The following DNAAF5 variants were observed in gnomAD, a reference collection of about 807,000 sequenced individuals.
DNAAF5 encodes the protein dynein axonemal assembly factor 5.
A neutral mutation model predicts 75.8 loss-of-function variants in DNAAF5; 64 were observed. That is an observed-to-expected ratio of 0.84 (90% CI 0.69 to 1.04). The LOEUF (loss-of-function observed/expected upper bound fraction) is 1.04, where lower values mean the gene tolerates loss of function less well. Among genes scored for constraint, DNAAF5 ranks in the 50% least tolerant of loss-of-function variants. DNAAF5 has a pLI of 0.00. For synonymous variants in DNAAF5, 657 were observed against 557.2 expected (o/e 1.18, Z -2.52); for missense variants, 1,269 against 1,178.5 (o/e 1.08, Z -1.12).
intron 12 of DNAAF5, among the ~76,000 whole-genome samples, chr7:783,820 T>TCTCAGC (rs1330137299): frequency 6.6e-6 from 1 of 151,858 alleles, no homozygotes; most frequent in Non-Finnish European, 1.5e-5. Context: ...CTTCTCCTAC[T>TCTCAGC]CTCAGCCTCA....
rs1236531923 is a variant in DNAAF5, at chr7:754,092, CT to C, written c.1025-495del. On this transcript the variant is annotated intron_variant, in intron 4 of 12. Coordinates refer to ENST00000297440, the MANE Select transcript of DNAAF5 (RefSeq NM_017802.4). This position sits in a 1 kb window ranked among gnomAD's most constrained non-coding sequence, Gnocchi z 4.8. ...TGTCTCTCTGATCATAGGGGGACGGCTTCGCAGGCGTGTCTCTCTGATCATA... is the reference window on the plus strand; with the variant it reads ...TGTCTCTCTGATCATAGGGGGACGGCTCGCAGGCGTGTCTCTCTGATCATA... Among the ~76,000 whole-genome samples the C allele has an allele frequency of 1.3e-5, 2 of 152,164 alleles. No individual in the cohort carries two copies. Among genetic ancestry groups the C allele is most frequent in the African/African-American group, 4.8e-5 (2 of 41,452 alleles).
chr7:748,506 G>A (rs557179844), intron 4 of DNAAF5, among the ~76,000 whole-genome samples: 1 of 152,306 alleles, frequency 6.6e-6, no homozygotes, highest in African/African-American at 2.4e-5. Flanking sequence ...CCCCTTCCGT[G>A]CTCTGGATGC....
At chr7:759,370 C>T (rs906695222) in intron 6 of DNAAF5, among the ~76,000 whole-genome samples, 3 of 152,118 alleles carry the variant, frequency 2.0e-5, no homozygotes, top group Non-Finnish European at 4.4e-5. Context: ...GCTCGACAGA[C>T]GGGAACTGGA....
intron 12 of DNAAF5, among the ~76,000 whole-genome samples, chr7:783,752 GC>G (rs1219015361): frequency 1.3e-5 from 2 of 151,738 alleles, no homozygotes; most frequent in Non-Finnish European, 2.9e-5. Context: ...TCCCAGCCCT[GC>G]CTGCGCCCTC....
intron 4 of DNAAF5, among the ~76,000 whole-genome samples, chr7:747,503 TCTGG>T (rs943420117): frequency 2.6e-5 from 4 of 151,216 alleles, no homozygotes; most frequent in African/African-American, 9.8e-5. Context: ...TTTTACCGTG[TCTGG>T]CTGGTGTGCA....
chr7:730,449 T>C (rs1226018915), intron 2 of DNAAF5, among the ~76,000 whole-genome samples: 1 of 152,200 alleles, frequency 6.6e-6, no homozygotes, highest in African/African-American at 2.4e-5. Flanking sequence ...CTGAGTTACC[T>C]GTCATCGTAG....
rs780016631 is a variant in DNAAF5 at position 729,743 on chromosome 7, G to C, written c.676G>C (p.Ala226Pro). 6 of 1,614,010 alleles carry C rather than the reference G, an allele frequency of 3.7e-6. No homozygotes were observed. Among genetic ancestry groups the C allele is most frequent in the Non-Finnish European group, 5.1e-6 (6 of 1,180,036 alleles). ...ISHQHWKVRV[A>P]AIEATGAVIH... ...CCACCAGCACTGGAAGGTCCGTGTGGCCGCCATTGAAGCCACAGGCGCAGT... is the reference window on the plus strand; with the variant it reads ...CCACCAGCACTGGAAGGTCCGTGTGCCCGCCATTGAAGCCACAGGCGCAGT... The change falls in exon 2 of 13, where the codon GCC becomes CCC. Residue 226 changes from alanine to proline, a missense_variant. Coordinates refer to ENST00000297440, the MANE Select transcript of DNAAF5 (RefSeq NM_017802.4).
chr7:745,666 C>T (rs529302268), intron 4 of DNAAF5, among the ~76,000 whole-genome samples: 2 of 148,656 alleles, frequency 1.3e-5, no homozygotes, highest in East Asian at 4.2e-4. Flanking sequence ...CTTATCCTCA[C>T]ACACGTGTAC....
Position 754,629 on chromosome 7 carries a change from G to A in DNAAF5, c.1065G>A (p.Arg355=), listed in dbSNP as rs1782424629. Residue 355 remains arginine (R), a synonymous_variant, in exon 5 of 13, where the codon AGG becomes AGA. Transcript: ENST00000297440. This position sits in a 1 kb window ranked among gnomAD's most constrained non-coding sequence, Gnocchi z 4.8. The part of the protein sequence containing the change: ...PVLGCRELVF[R]NLSKILPALC... ...TGGGCTGCCGGGAGCTCGTCTTCAG[G>A]AACCTCTCCAAGATCCTCCCTGCCC... The A allele has an allele frequency of 1.2e-6, 2 of 1,614,126 alleles. No homozygotes were observed. Among genetic ancestry groups the A allele is most frequent in the East Asian group, 4.5e-5 (2 of 44,876 alleles).
rs201632017 is a variant in DNAAF5, at chr7:756,744, G to T, written c.1258-38G>T. ...AGCAGGAGCCCGGCTGAGACCCTCG[G>T]GTTTGGCTCTGAGTTTTCTCATGTT... On this transcript the variant is annotated intron_variant, in intron 5 of 12. Transcript: ENST00000297440. The T allele has an allele frequency of 1.7e-4, 272 of 1,599,602 alleles. 1 individual carries two copies. In the African/African-American group the frequency reaches 3.2e-3, roughly 19 times the overall value.
intron 4 of DNAAF5, among the ~76,000 whole-genome samples, chr7:744,113 C>CAA (rs1491374410): frequency 2.0e-5 from 3 of 151,726 alleles, no homozygotes; most frequent in Admixed American, 2.0e-4. Flanking sequence ...CAACAGTTCT[C>CAA]AGAGTGTGAT....
chr7:740,772 C>T, intron 2 of DNAAF5, 47 bp from the exon 3 acceptor site: 1 of 1,607,738 alleles, frequency 6.2e-7, no homozygotes, highest in Non-Finnish European at 8.5e-7. Flanking sequence ...TCAGCCCCGG[C>T]ATCCCCTTTG....
At chr7:762,542 C>T (rs1782694714) in intron 7 of DNAAF5, among the ~76,000 whole-genome samples, 1 of 151,940 alleles carries the variant, frequency 6.6e-6, no homozygotes, top group South Asian at 2.1e-4. Flanking sequence ...GAGAAGATAC[C>T]GTGATTTCCC....
At chr7:756,414 C>G (rs1782486388) in intron 5 of DNAAF5, among the ~76,000 whole-genome samples, 1 of 151,866 alleles carries the variant, frequency 6.6e-6, no homozygotes, top group Non-Finnish European at 1.5e-5. Flanking sequence ...AGTGTGTGAT[C>G]CACTGTGGGC....
intron 4 of DNAAF5, among the ~76,000 whole-genome samples, chr7:746,980 C>A (rs1417150742): frequency 6.6e-6 from 1 of 152,250 alleles, no homozygotes; most frequent in Admixed American, 6.5e-5. Flanking sequence ...GCAGCACTTT[C>A]CTTCTTCGCG....
intron 8 of DNAAF5, among the ~76,000 whole-genome samples, chr7:766,052 C>T (rs563531145): frequency 4.1e-4 from 62 of 152,304 alleles, no homozygotes; most frequent in Non-Finnish European, 8.2e-4. Flanking sequence ...TGACCTCAAA[C>T]TCCTAGGCTC....
intron 2 of DNAAF5, among the ~76,000 whole-genome samples, chr7:734,137 G>T (rs917946935): frequency 6.6e-5 from 10 of 152,152 alleles, no homozygotes; most frequent in African/African-American, 2.4e-4. Flanking sequence ...CCAGTACTGT[G>T]TTAACTAACA....
chr7:756,691 G>C, intron 5 of DNAAF5, 91 bp from the exon 6 acceptor site: 4 of 1,155,458 alleles, frequency 3.5e-6, no homozygotes, highest in East Asian at 2.3e-5. Flanking sequence ...CTGGTGCACG[G>C]CTGTGTCTGG....
At chr7:784,534 G>A (rs901226850) in intron 12 of DNAAF5, among the ~76,000 whole-genome samples, 30 of 152,094 alleles carry the variant, frequency 2.0e-4, no homozygotes, top group African/African-American at 6.5e-4. Context: ...AGCTAGACAC[G>A]CCCAACCCTT....
Sources: gnomAD v4.1 joint callset for allele counts (sites outside exome capture counted in the v4.1 genomes callset) on GRCh38, gnomAD v4.1.1 for gene constraint, Gnocchi (gnomAD v3.1) non-coding constraint, MANE v1.5 for transcripts, NCBI Gene and HGNC (gene_info 2026-07-23, HGNC 2026-07-21) for gene names.